LRRFIP2: variants seen among roughly 807,000 people sequenced by gnomAD.
The protein encoded by LRRFIP2 is LRR binding FLII interacting protein 2, also known as leucine-rich repeat flightless-interacting protein 2.
LRRFIP2 carries 109 observed loss-of-function variants against 125.9 expected under a neutral mutation model. The observed-to-expected ratio is 0.87, with a 90% confidence interval of 0.74 to 1.01. The LOEUF (loss-of-function observed/expected upper bound fraction) is 1.01, where lower values mean the gene tolerates loss of function less well. Among genes scored for constraint, LRRFIP2 ranks in the 50% least tolerant of loss-of-function variants. LRRFIP2 has a pLI of 0.00. For synonymous variants in LRRFIP2, 291 were observed against 293.1 expected (o/e 0.99, Z 0.07); for missense variants, 850 against 862.3 (o/e 0.99, Z 0.18).
Position 37,083,216 on chromosome 3 carries a change from T to C in LRRFIP2, c.1278+420A>G, listed in dbSNP as rs1006891116. 3.3e-5 allele frequency among the ~76,000 whole-genome samples: 5 copies of C among 152,184 alleles called. No individual in the cohort carries two copies. In the East Asian group the frequency reaches 9.6e-4, roughly 29 times the overall value. Reference sequence around the variant, plus strand: ...TTAAATAACTGATTAAAGACTTCTATCCAATTATTTAGAAAATGGATTCTC... The same window carrying C: ...TTAAATAACTGATTAAAGACTTCTACCCAATTATTTAGAAAATGGATTCTC... On this transcript the variant is annotated intron_variant, in intron 19 of 27. Coordinates refer to ENST00000336686, the MANE Select transcript of LRRFIP2 (RefSeq NM_006309.4).
chr3:37,087,879 C>T (rs1283670747), intron 18 of LRRFIP2, among the ~76,000 whole-genome samples: 2 of 152,176 alleles, frequency 1.3e-5, no homozygotes, highest in African/African-American at 2.4e-5. Flanking sequence ...CGTAAGCCAC[C>T]GTGCCCAGCC....
At chr3:37,082,553 AG>A (rs1559756327) in intron 19 of LRRFIP2, among the ~76,000 whole-genome samples, 1 of 152,172 alleles carries the variant, frequency 6.6e-6, no homozygotes, top group Non-Finnish European at 1.5e-5. Context: ...AGTTTACATT[AG>A]GGTTCACTCT....
chr3:37,079,853 CAT>C (rs2092469994), intron 19 of LRRFIP2, among the ~76,000 whole-genome samples: 1 of 152,088 alleles, frequency 6.6e-6, no homozygotes, highest in South Asian at 2.1e-4. Context: ...TGACTCCTTT[CAT>C]ATGAGTCTAG....
intron 6 of LRRFIP2, among the ~76,000 whole-genome samples, chr3:37,117,524 G>A (rs988285153): frequency 1.3e-5 from 2 of 151,908 alleles, no homozygotes; most frequent in Non-Finnish European, 2.9e-5. Context: ...GGAGGTAAAA[G>A]TGAAAATAGT....
At chr3:37,165,733 G>T (rs568696754) in intron 1 of LRRFIP2, among the ~76,000 whole-genome samples, 3 of 149,008 alleles carry the variant, frequency 2.0e-5, no homozygotes, top group East Asian at 4.0e-4. Flanking sequence ...TCTAGCCCGG[G>T]CAACAAGAGA....
At position 37,111,065 on chromosome 3, in the gene LRRFIP2, T is replaced by A; in HGVS notation, c.439A>T (p.Ser147Cys). Reference sequence around the variant, plus strand: ...TTTCTCTGGTCAAAGTAGAGGCCACTCTGCAAAAAGCAAAATTAAACACAT... The same window carrying A: ...TTTCTCTGGTCAAAGTAGAGGCCACACTGCAAAAAGCAAAATTAAACACAT... The part of the protein sequence containing the change: ...RSSDSHKDLL[S>C]GLYFDQRNYS... The change falls in exon 9 of 28, where the codon AGT becomes TGT. Residue 147 changes from serine (S) to cysteine (C), a missense_variant and splice_region_variant. Physicochemically the swap from Ser to Cys is moderately radical, Grantham distance 112. Transcript: ENST00000336686. 1.2e-6 allele frequency: 2 copies of A among 1,613,212 alleles called. No homozygotes were observed. Among genetic ancestry groups the A allele is most frequent in the East Asian group, 4.5e-5 (2 of 44,756 alleles).
intron 2 of LRRFIP2, among the ~76,000 whole-genome samples, chr3:37,139,099 G>A (rs1188610689): frequency 6.6e-6 from 1 of 152,158 alleles, no homozygotes; most frequent in Non-Finnish European, 1.5e-5. Flanking sequence ...GTCCTGTGCA[G>A]GATGATGTGA....
chr3:37,102,932 A>C lies in LRRFIP2; in HGVS notation c.865T>G (p.Leu289Val). ...CCATGCAATACACTCACGCTGGACA[A>C]ATCTGGGATACTGATATCATCCACC... ...SEVDDISIPDLSSLDEKSDKQ... is the reference protein window; with the variant it reads ...SEVDDISIPDVSSLDEKSDKQ... Residue 289 changes from leucine to valine, a missense_variant, in exon 15 of 28, where the codon TTG becomes GTG. By Grantham distance (32) the Leu-to-Val change is conservative. Coordinates refer to ENST00000336686, the MANE Select transcript of LRRFIP2 (RefSeq NM_006309.4). The C allele has an allele frequency of 1.3e-6, 2 of 1,559,154 alleles. No individual in the cohort carries two copies. Among genetic ancestry groups the C allele is most frequent in the Non-Finnish European group, 1.7e-6 (2 of 1,149,810 alleles).
At chr3:37,119,908 C>T (rs567983401) in intron 6 of LRRFIP2, among the ~76,000 whole-genome samples, 43 of 152,226 alleles carry the variant, frequency 2.8e-4, no homozygotes, top group African/African-American at 9.4e-4. Flanking sequence ...GTGATCTGCT[C>T]GCCTCAGTGT....
intron 4 of LRRFIP2, among the ~76,000 whole-genome samples, chr3:37,126,184 C>T (rs2095267080): frequency 6.6e-6 from 1 of 152,102 alleles, no homozygotes; most frequent in Admixed American, 6.5e-5. Flanking sequence ...CGCCCGCCAG[C>T]GTGCCTGGCT....
intron 4 of LRRFIP2, among the ~76,000 whole-genome samples, 156 bp from the exon 5 acceptor site, chr3:37,121,847 T>C (rs1299136363): frequency 3.0e-5 from 1 of 33,780 alleles, no homozygotes; most frequent in Non-Finnish European, 8.2e-5. Flanking sequence ...CATTCGTGTG[T>C]GTGTGTGTGT....
In LRRFIP2 at chr3:37,052,822, G is replaced by A. The variant is rs895324139; in HGVS notation, c.*1029C>T. 6 of 152,150 alleles carry A rather than the reference G, an allele frequency of 3.9e-5. No individual in the cohort carries two copies. Among genetic ancestry groups the A allele is most frequent in the African/African-American group, 1.4e-4 (6 of 41,426 alleles). 9.4% of individuals were successfully genotyped at this position (152,150 alleles called of 1,614,324 possible). ...AGAGAATCATAAATTCTGCAAAGTA[G>A]TTGCACTCCATGATTTTAAAAAAAC... is the stretch of plus-strand genomic sequence containing the variant. On this transcript the variant is annotated 3_prime_UTR_variant, in exon 28 of 28. Transcript: ENST00000336686.
chr3:37,054,414 T>C lies in LRRFIP2; in HGVS notation c.2052A>G (p.Arg684=), dbSNP rs377030751. 1.2e-6 allele frequency: 2 copies of C among 1,611,024 alleles called. No homozygotes were observed. Among genetic ancestry groups the C allele is most frequent in the African/African-American group, 2.7e-5 (2 of 74,992 alleles). Residue 684 remains arginine, a synonymous_variant, in exon 27 of 28, where the codon CGA becomes CGG. Coordinates refer to ENST00000336686, the MANE Select transcript of LRRFIP2 (RefSeq NM_006309.4). ...ELKAEKRKLQ[R]ELRTALDKIE... ...AGAAACATATTAAAAGAAGTACCTC[T>C]CGTTGTAGCTTCCGTTTTTCTGCTT...
chr3:37,065,054 ACTC>A (rs2089827263), intron 23 of LRRFIP2: 1 of 153,060 alleles, frequency 6.5e-6, no homozygotes, highest in Non-Finnish European at 1.5e-5. Context: ...TGTATCTCTC[ACTC>A]CTCTAAGAAG....
intron 23 of LRRFIP2, chr3:37,065,343 G>T (rs560534878): frequency 3.4e-6 from 1 of 297,698 alleles, no homozygotes; most frequent in East Asian, 7.6e-5. Flanking sequence ...ATACTTCTCT[G>T]ATATCTTTTT....
chr3:37,103,185 A>G (rs2094159956), intron 14 of LRRFIP2, among the ~76,000 whole-genome samples, 172 bp from the exon 15 acceptor site: 1 of 152,192 alleles, frequency 6.6e-6, no homozygotes, highest in South Asian at 2.1e-4. Flanking sequence ...AATAAAAAAG[A>G]AAAGGGGTTC....
chr3:37,112,854 A>ATGTCC (rs1457338635), intron 8 of LRRFIP2, 61 bp downstream of exon 8: 1 of 928,762 alleles, frequency 1.1e-6, no homozygotes, highest in Admixed American at 2.0e-5. Context: ...CAAAGCAATC[A>ATGTCC]TAATCCTTAA....
chr3:37,161,757 T>A (rs2096350968), intron 1 of LRRFIP2, among the ~76,000 whole-genome samples: 1 of 143,958 alleles, frequency 6.9e-6, no homozygotes. Context: ...AAACTCAGGT[T>A]GGGAAATAAA....
chr3:37,126,013 T>TGTTG (rs1553768085), intron 4 of LRRFIP2, among the ~76,000 whole-genome samples: 5 of 151,260 alleles, frequency 3.3e-5, no homozygotes, highest in Non-Finnish European at 7.4e-5. Flanking sequence ...AATCAGTTTT[T>TGTTG]TTGTTGTTGT....
Sources: gnomAD v4.1 joint callset for allele counts (sites outside exome capture counted in the v4.1 genomes callset) on GRCh38, gnomAD v4.1.1 for gene constraint, MANE v1.5 for transcripts, NCBI Gene and HGNC (gene_info 2026-07-23, HGNC 2026-07-21) for gene names.